DYM: variants seen among roughly 807,000 people sequenced by gnomAD.
DYM encodes dymeclin.
A neutral mutation model predicts 93.1 loss-of-function variants in DYM; 78 were observed. That is an observed-to-expected ratio of 0.84 (90% CI 0.70 to 1.01). DYM has a LOEUF of 1.01. DYM is among the 50% of genes least tolerant of loss of function. The pLI is 0.00. For synonymous variants in DYM, 321 were observed against 319.7 expected (o/e 1.00, Z -0.04); for missense variants, 789 against 845.0 (o/e 0.93, Z 0.82).
chr18:49,244,152 A>T (rs1262166384), intron 13 of DYM, among the ~76,000 whole-genome samples: 1 of 152,114 alleles, frequency 6.6e-6, no homozygotes, highest in African/African-American at 2.4e-5. Context: ...TCATCAACTA[A>T]CTTCTCTCCT....
At chr18:49,201,776 C>T (rs1020448696) in intron 14 of DYM, among the ~76,000 whole-genome samples, 5 of 152,210 alleles carry the variant, frequency 3.3e-5, no homozygotes, top group South Asian at 4.1e-4. Flanking sequence ...TTAGTTACTG[C>T]GCAGATAATC....
At chr18:49,390,521 T>A (rs193165647) in intron 3 of DYM, among the ~76,000 whole-genome samples, 4 of 152,106 alleles carry the variant, frequency 2.6e-5, no homozygotes, top group Non-Finnish European at 5.9e-5. Flanking sequence ...TTTTTAATGT[T>A]TTTTGAGACA....
chr18:49,196,930 G>GA (rs1332431500), intron 14 of DYM, among the ~76,000 whole-genome samples: 1 of 151,852 alleles, frequency 6.6e-6, no homozygotes, highest in Non-Finnish European at 1.5e-5. Flanking sequence ...TGGTAACAGA[G>GA]AAAAAAAAGT....
At chr18:49,154,003 T>A (rs1453344989) in intron 15 of DYM, among the ~76,000 whole-genome samples, 5 of 152,214 alleles carry the variant, frequency 3.3e-5, no homozygotes, top group Non-Finnish European at 7.3e-5. Flanking sequence ...TACATATCAA[T>A]ATCATGTATT....
chr18:49,197,575 C>T (rs1434452269), intron 14 of DYM, among the ~76,000 whole-genome samples: 1 of 151,956 alleles, frequency 6.6e-6, no homozygotes, highest in Non-Finnish European at 1.5e-5. Flanking sequence ...GTTAGAAGAA[C>T]AATTTTTAAA....
chr18:49,222,793 ATTC>A (rs1482227643), intron 13 of DYM, among the ~76,000 whole-genome samples: 2 of 152,160 alleles, frequency 1.3e-5, no homozygotes, highest in African/African-American at 2.4e-5. Flanking sequence ...ATAAAGGAAA[ATTC>A]TTCTTTACAG....
At chr18:49,161,386 G>C (rs1377468104) in intron 15 of DYM, among the ~76,000 whole-genome samples, 1 of 152,130 alleles carries the variant, frequency 6.6e-6, no homozygotes, top group Non-Finnish European at 1.5e-5. Context: ...ATGCTACTAA[G>C]GCAACATCAG....
intron 13 of DYM, among the ~76,000 whole-genome samples, chr18:49,217,446 T>G (rs906696330): frequency 6.6e-6 from 1 of 151,858 alleles, no homozygotes; most frequent in Non-Finnish European, 1.5e-5. Context: ...CCAAGACACA[T>G]AATTGTCAGA....
At chr18:49,422,842 G>A (rs960594532) in intron 2 of DYM, among the ~76,000 whole-genome samples, 68 of 152,190 alleles carry the variant, frequency 4.5e-4, no homozygotes, top group African/African-American at 1.5e-3. Flanking sequence ...AACAAGAAAA[G>A]CTAACTATCC....
At chr18:49,426,752 A>G (rs2148418714) in intron 2 of DYM, among the ~76,000 whole-genome samples, 1 of 59,608 alleles carries the variant, frequency 1.7e-5, no homozygotes, top group Admixed American at 2.3e-4. Context: ...CACACTGGAA[A>G]ACATGTGTGT....
chr18:49,164,231 T>A (rs2087578587), intron 14 of DYM, among the ~76,000 whole-genome samples: 1 of 152,200 alleles, frequency 6.6e-6, no homozygotes, highest in Non-Finnish European at 1.5e-5. Flanking sequence ...TATTATAGCT[T>A]TATTTCTCAA....
At chr18:49,322,308 G>C (rs2062547825) in intron 8 of DYM, among the ~76,000 whole-genome samples, 1 of 151,926 alleles carries the variant, frequency 6.6e-6, no homozygotes. Flanking sequence ...AGTGAAGTTT[G>C]GCAGAACACA....
chr18:49,322,008 T>C (rs1599410282), intron 8 of DYM, among the ~76,000 whole-genome samples: 1 of 152,118 alleles, frequency 6.6e-6, no homozygotes, highest in East Asian at 1.9e-4. Context: ...AAAATAACAA[T>C]CAAGTAAAAT....
chr18:49,315,118 G>A (rs1165558461), intron 8 of DYM, among the ~76,000 whole-genome samples: 2 of 151,494 alleles, frequency 1.3e-5, no homozygotes, highest in Non-Finnish European at 3.0e-5. Flanking sequence ...AGAAGGCTGA[G>A]GTGGGAGGAT....
intron 15 of DYM, among the ~76,000 whole-genome samples, chr18:49,120,078 C>CAAAAAAAAAAA (rs71165367): frequency 5.3e-5 from 3 of 56,148 alleles, no homozygotes; most frequent in African/African-American, 5.9e-5. Context: ...GATCCTGTCT[C>CAAAAAAAAAAA]AAAAAAAAAA....
intron 16 of DYM, among the ~76,000 whole-genome samples, chr18:49,110,077 A>G (rs1312753476): frequency 6.6e-6 from 1 of 152,218 alleles, no homozygotes; most frequent in Non-Finnish European, 1.5e-5. Flanking sequence ...ATAAAGTTTT[A>G]TTGGAACATA....
chr18:49,117,446 C>G (rs184548306), intron 16 of DYM, among the ~76,000 whole-genome samples: 197 of 151,202 alleles, frequency 1.3e-3, no homozygotes, highest in Admixed American at 2.1e-3. Context: ...GCAGTTAATA[C>G]ATCCTATGTG....
At chr18:49,133,284 AC>A (rs1398393748) in intron 15 of DYM, among the ~76,000 whole-genome samples, 1 of 152,174 alleles carries the variant, frequency 6.6e-6, no homozygotes, top group African/African-American at 2.4e-5. Context: ...GACCATGCCC[AC>A]GGATTTACTT....
chr18:49,153,386 G>A (rs1277265120), intron 15 of DYM, among the ~76,000 whole-genome samples: 1 of 152,158 alleles, frequency 6.6e-6, no homozygotes, highest in Non-Finnish European at 1.5e-5. Context: ...ACAGGGTTTG[G>A]CTCTGTTTTA....
Sources: allele counts gnomAD v4.1 joint callset (sites outside exome capture counted in the v4.1 genomes callset), GRCh38; gene constraint gnomAD v4.1.1; transcripts MANE v1.5; gene names NCBI Gene and HGNC (gene_info 2026-07-23, HGNC 2026-07-21).